Variants in RANBP2 observed in about 807,000 individuals in gnomAD.
RANBP2 encodes the protein RAN binding protein 2, also known as E3 SUMO-protein ligase RanBP2.
RANBP2 carries 57 observed loss-of-function variants against 303.6 expected under a neutral mutation model. The ratio of observed to expected loss-of-function variants is 0.19; its 90% CI spans 0.15 to 0.23. The LOEUF (loss-of-function observed/expected upper bound fraction) is 0.23. Among genes scored for constraint, RANBP2 ranks in the 10% least tolerant of loss-of-function variants. RANBP2 has a pLI of 1.00. For synonymous variants in RANBP2, 1,167 were observed against 1,301.5 expected (o/e 0.90, Z 2.23); for missense variants, 3,138 against 3,780.8 (o/e 0.83, Z 4.46).
At chr2:109,219,381 GGA>G in the RANBP2 span, among the ~76,000 whole-genome samples, 1 of 152,006 alleles carries the variant, frequency 6.6e-6, no homozygotes, top group Non-Finnish European at 1.5e-5. Flanking sequence ...AATAAAACAA[GGA>G]ACATTTTAGT....
the RANBP2 span, among the ~76,000 whole-genome samples, chr2:109,508,720 T>C: frequency 6.6e-6 from 1 of 152,002 alleles, no homozygotes; most frequent in Non-Finnish European, 1.5e-5. Flanking sequence ...ATGGCCTGGC[T>C]TCACCCACTC....
the RANBP2 span, among the ~76,000 whole-genome samples, chr2:109,010,296 AT>A: frequency 2.0e-5 from 3 of 152,206 alleles, 1 homozygote; most frequent in South Asian, 6.2e-4. Context: ...GAAGGTAAGC[AT>A]TTAGCTCTTT....
chr2:109,266,224 A>G, the RANBP2 span, among the ~76,000 whole-genome samples: 1 of 143,600 alleles, frequency 7.0e-6, no homozygotes, highest in African/African-American at 2.6e-5. Flanking sequence ...TGTTGTGTGT[A>G]TGTGTATTCA....
chr2:109,263,232 G>T, the RANBP2 span, among the ~76,000 whole-genome samples: 1 of 152,146 alleles, frequency 6.6e-6, no homozygotes, highest in Non-Finnish European at 1.5e-5. Flanking sequence ...CTTTACTAGT[G>T]CTCTTTGTCA....
At chr2:109,085,285 A>G in the RANBP2 span, among the ~76,000 whole-genome samples, 3 of 152,278 alleles carry the variant, frequency 2.0e-5, no homozygotes, top group South Asian at 6.2e-4. Context: ...AATATGCATA[A>G]CAAAGTTTAC....
chr2:109,694,393 G>T, the RANBP2 span, among the ~76,000 whole-genome samples: 23 of 148,278 alleles, frequency 1.6e-4, no homozygotes, highest in South Asian at 2.1e-4. Context: ...AGAGCTGTGA[G>T]CCAACTAAAC....
chr2:109,072,032 C>T, the RANBP2 span, among the ~76,000 whole-genome samples: 2 of 152,176 alleles, frequency 1.3e-5, no homozygotes, highest in Non-Finnish European at 1.5e-5. Context: ...AACACAAAGT[C>T]TTATGGGAAT....
chr2:108,938,182 C>A, the RANBP2 span, among the ~76,000 whole-genome samples: 32 of 152,316 alleles, frequency 2.1e-4, no homozygotes, highest in African/African-American at 7.0e-4. Flanking sequence ...CTGTTCACAT[C>A]TCATCTTTCT....
chr2:109,642,882 A>T, the RANBP2 span, among the ~76,000 whole-genome samples: 1 of 151,116 alleles, frequency 6.6e-6, no homozygotes, highest in African/African-American at 2.4e-5. Flanking sequence ...TGGAAGATAA[A>T]GAATAGTCTT....
chr2:109,391,697 G>C, the RANBP2 span, among the ~76,000 whole-genome samples: 1 of 152,194 alleles, frequency 6.6e-6, no homozygotes, highest in Non-Finnish European at 1.5e-5. Flanking sequence ...TTGTCCACAG[G>C]CCTCTGAGGC....
chr2:109,659,159 G>T, the RANBP2 span, among the ~76,000 whole-genome samples: 2 of 151,710 alleles, frequency 1.3e-5, no homozygotes, highest in African/African-American at 4.8e-5. Flanking sequence ...GTTGAATTAC[G>T]TGAGGTCAGG....
At chr2:109,657,274 C>T in the RANBP2 span, among the ~76,000 whole-genome samples, 6 of 151,990 alleles carry the variant, frequency 3.9e-5, no homozygotes, top group Non-Finnish European at 8.8e-5. Context: ...GGAGAAACCT[C>T]GTTTCTACAA....
the RANBP2 span, among the ~76,000 whole-genome samples, chr2:109,322,739 A>G: frequency 6.6e-6 from 1 of 152,226 alleles, no homozygotes; most frequent in Non-Finnish European, 1.5e-5. Flanking sequence ...TGATCAGCTC[A>G]TATTTTGCTT....
chr2:109,320,845 C>T, the RANBP2 span, among the ~76,000 whole-genome samples: 7 of 152,294 alleles, frequency 4.6e-5, no homozygotes, highest in East Asian at 5.8e-4. Flanking sequence ...GCCATGGATT[C>T]GGGCACCAGA....
At chr2:108,780,342 GCC>G (rs1678158571) in intron 25 of RANBP2, among the ~76,000 whole-genome samples, 2 of 144,468 alleles carry the variant, frequency 1.4e-5, no homozygotes, top group Non-Finnish European at 3.0e-5. Context: ...ACAGGCACCC[GCC>G]ACCACGCCCG....
chr2:109,407,404 G>A, the RANBP2 span, among the ~76,000 whole-genome samples: 1 of 152,206 alleles, frequency 6.6e-6, no homozygotes, highest in Non-Finnish European at 1.5e-5. Context: ...ACTTTAAAAT[G>A]CATCACCACC....
the RANBP2 span, chr2:108,907,939 T>G: frequency 6.2e-7 from 1 of 1,613,658 alleles, no homozygotes; most frequent in East Asian, 2.2e-5. Context: ...CGGGGAGCCC[T>G]GCTTGTCAGG....
intron 22 of RANBP2, 103 bp from the exon 23 acceptor site, chr2:108,772,759 TGTACAG>T (rs1677597738): frequency 7.9e-7 from 1 of 1,272,754 alleles, no homozygotes; most frequent in South Asian, 1.3e-5. Context: ...TTCATTAGTA[TGTACAG>T]GTCTTGTTAC....
chr2:109,083,705 T>G, the RANBP2 span, among the ~76,000 whole-genome samples: 1 of 152,150 alleles, frequency 6.6e-6, no homozygotes, highest in African/African-American at 2.4e-5. Flanking sequence ...GATTCTATAT[T>G]TAATTTGCTG....
Sources: allele counts gnomAD v4.1 joint callset (sites outside exome capture counted in the v4.1 genomes callset), GRCh38; gene constraint gnomAD v4.1.1; transcripts MANE v1.5; gene names NCBI Gene and HGNC (gene_info 2026-07-23, HGNC 2026-07-21).